The following STAG2 variants were observed in gnomAD, a reference collection of about 807,000 sequenced individuals.
The protein encoded by STAG2 is cohesin subunit SA-2.
STAG2 carries 14 observed loss-of-function variants against 108.1 expected under a neutral mutation model. The ratio of observed to expected loss-of-function variants is 0.13; its 90% CI spans 0.09 to 0.20. The LOEUF (loss-of-function observed/expected upper bound fraction) is 0.20, where lower values mean the gene tolerates loss of function less well. Ranked by LOEUF, STAG2 falls within the 10% of genes least tolerant of loss-of-function variation. The probability of loss-of-function intolerance (pLI) is 1.00; values close to 1 mark genes in which losing one functional copy is unlikely to be tolerated. For missense variants in STAG2, 440 were observed against 940.9 expected (o/e 0.47, Z 6.96); for synonymous variants, 307 against 302.7 (o/e 1.01, Z -0.15).
chrX:124,023,105 A>G (rs2148004034), intron 3 of STAG2, among the ~76,000 whole-genome samples: 1 of 112,443 alleles, frequency 8.9e-6, no homozygotes, highest in South Asian at 3.6e-4. Flanking sequence ...TTGGTCCAGA[A>G]AGTGTTTTCA....
intron 1 of STAG2, among the ~76,000 whole-genome samples, chrX:123,976,681 T>G (rs755479989): frequency 1.8e-5 from 2 of 112,251 alleles, no homozygotes; most frequent in African/African-American, 6.5e-5. Flanking sequence ...CTTCTTACTA[T>G]ATGACAAGTT....
intron 1 of STAG2, among the ~76,000 whole-genome samples, chrX:124,002,346 A>G (rs2056081423): frequency 8.9e-6 from 1 of 112,249 alleles, no homozygotes; most frequent in Non-Finnish European, 1.9e-5. Flanking sequence ...TTACAATAGT[A>G]GATACACCAC....
chrX:124,044,142 A>G (rs771872089), intron 7 of STAG2, among the ~76,000 whole-genome samples: 1 of 111,277 alleles, frequency 9.0e-6, no homozygotes, highest in Non-Finnish European at 1.9e-5. Context: ...GTAATTTTGA[A>G]TAGTGGCATT....
rs1378575048 is a variant in STAG2 at position 124,045,897 on chromosome X, C to T, written c.667+529C>T. Among the ~76,000 whole-genome samples the T allele has an allele frequency of 5.4e-5, 6 of 110,508 alleles. No homozygotes were observed. In the East Asian group the frequency reaches 1.7e-3, roughly 31 times the overall value. ...CGTTGCCTCTCCAGGTAGGATGGCC[C>T]CTACTAGATGATGCCTGTTCTTTCA... On this transcript the variant is annotated intron_variant, in intron 8 of 34. Coordinates refer to ENST00000371145, the MANE Select transcript of STAG2 (RefSeq NM_001042750.2).
intron 3 of STAG2, among the ~76,000 whole-genome samples, chrX:124,025,107 T>C (rs998301660): frequency 3.6e-5 from 4 of 111,333 alleles, no homozygotes; most frequent in African/African-American, 1.3e-4. Flanking sequence ...TATAGATTCA[T>C]ATGTTGGAGA....
chrX:124,047,228 A>G, intron 8 of STAG2, 126 bp from the exon 9 acceptor site: 1 of 495,731 alleles, frequency 2.0e-6, no homozygotes, highest in Non-Finnish European at 3.3e-6. Flanking sequence ...CATTTGTAGC[A>G]GCTGCATCTT....
At chrX:124,061,998 A>C (rs1406885048) in intron 17 of STAG2, 124 bp downstream of exon 17, 1 of 553,432 alleles carries the variant, frequency 1.8e-6, no homozygotes, top group African/African-American at 2.4e-5. Context: ...TTTGCTTATA[A>C]ATTTGTTAGA....
chrX:123,980,329 T>G (rs1188212148), intron 1 of STAG2, among the ~76,000 whole-genome samples: 1 of 110,986 alleles, frequency 9.0e-6, no homozygotes, highest in African/African-American at 3.3e-5. Flanking sequence ...GAAAACATCA[T>G]GCTTAACTTG....
rs111941038 is a variant in STAG2, at chrX:124,052,123, T to C, written c.1196+729T>C. The stretch of plus-strand genomic sequence containing the variant: ...GAATTTAAGACCTATTCTGTGTTAA[T>C]ATCTGATAGTGATGTTATTCATATT... On this transcript the variant is annotated intron_variant, in intron 13 of 34. Coordinates refer to ENST00000371145, the MANE Select transcript of STAG2 (RefSeq NM_001042750.2). 4.9e-3 allele frequency among the ~76,000 whole-genome samples: 552 copies of C among 112,562 alleles called. 2 individuals are homozygous for C. Among genetic ancestry groups the C allele is most frequent in the African/African-American group, 0.017 (516 of 31,021 alleles).
chrX:124,098,818 T>G (rs1352857733), intron 34 of STAG2, among the ~76,000 whole-genome samples: 1 of 111,865 alleles, frequency 8.9e-6, no homozygotes, highest in African/African-American at 3.2e-5. Flanking sequence ...CCAGGAGTGG[T>G]AATATAAAAA....
intron 25 of STAG2, among the ~76,000 whole-genome samples, chrX:124,073,919 C>A (rs2058736332): frequency 8.9e-6 from 1 of 111,738 alleles, no homozygotes; most frequent in African/African-American, 3.3e-5. Flanking sequence ...CTCCCATTTT[C>A]CCTAGAGATA....
At chrX:124,098,648 G>A (rs1013362014) in intron 34 of STAG2, among the ~76,000 whole-genome samples, 9 of 111,459 alleles carry the variant, frequency 8.1e-5, no homozygotes, top group Non-Finnish European at 1.5e-4. Flanking sequence ...ACTTCAGTTT[G>A]TTACTAAATA....
At chrX:123,989,096 A>C (rs764738613) in intron 1 of STAG2, among the ~76,000 whole-genome samples, 4 of 111,628 alleles carry the variant, frequency 3.6e-5, no homozygotes, top group Non-Finnish European at 5.6e-5. Flanking sequence ...GTTGTTGTGT[A>C]TTTTACAGAA....
Position 124,066,174 on chromosome X carries a change from G to A in STAG2, c.2097-1G>A, listed in dbSNP as rs1603095192. ...TTTTTTTTTTTTTTTTTTTTTTACA[G>A]TGCCCATGACCTTTCAAAGTGGGAT... On this transcript the variant is annotated splice_acceptor_variant, in intron 21 of 34. Coordinates refer to ENST00000371145, the MANE Select transcript of STAG2 (RefSeq NM_001042750.2). LOFTEE classifies it high-confidence loss of function. 2 of 488,246 alleles carry A rather than the reference G, an allele frequency of 4.1e-6. No individual in the cohort carries two copies. Among genetic ancestry groups the A allele is most frequent in the Non-Finnish European group, 6.0e-6 (2 of 332,688 alleles). 40.2% of individuals were successfully genotyped at this position (488,246 alleles called of 1,213,427 possible).
intron 11 of STAG2, 22 bp downstream of exon 11, chrX:124,050,331 G>C: frequency 8.4e-7 from 1 of 1,187,114 alleles, no homozygotes; most frequent in South Asian, 1.9e-5. Flanking sequence ...CCTTCAGACT[G>C]CTTCTTTCTA....
chrX:123,965,017 C>G (rs1470936366), intron 1 of STAG2, among the ~76,000 whole-genome samples: 1 of 49,375 alleles, frequency 2.0e-5, no homozygotes, highest in Non-Finnish European at 3.7e-5. Flanking sequence ...TTATTTTTTT[C>G]CCCCAGGAGA....
intron 8 of STAG2, among the ~76,000 whole-genome samples, chrX:124,046,010 A>G (rs778768968): frequency 9.0e-6 from 1 of 111,473 alleles, no homozygotes; most frequent in Non-Finnish European, 1.9e-5. Flanking sequence ...TTAATGAAAT[A>G]AGGTATATTT....
At chrX:123,967,903 GTC>G (rs2054181429) in intron 1 of STAG2, among the ~76,000 whole-genome samples, 1 of 109,159 alleles carries the variant, frequency 9.2e-6, no homozygotes, top group Admixed American at 9.8e-5. Flanking sequence ...TGGGACCACT[GTC>G]TTTTTTTTTT....
chrX:124,051,237 A>G lies in STAG2; in HGVS notation c.1116+18A>G. ...GGTTCAAGGTTAGTATTACTTAAGA[A>G]TTTACAAATAACTTGTCATTTGCAA... On this transcript the variant is annotated intron_variant, in intron 12 of 34. Coordinates refer to ENST00000371145, the MANE Select transcript of STAG2 (RefSeq NM_001042750.2). 2 of 1,158,737 alleles carry G rather than the reference A, an allele frequency of 1.7e-6. No homozygotes were observed. Among genetic ancestry groups the G allele is most frequent in the Non-Finnish European group, 2.3e-6 (2 of 858,404 alleles).
Sources: gnomAD v4.1 joint callset for allele counts (sites outside exome capture counted in the v4.1 genomes callset) on GRCh38, gnomAD v4.1.1 for gene constraint, MANE v1.5 for transcripts, NCBI Gene and HGNC (gene_info 2026-07-23, HGNC 2026-07-21) for gene names.